CD1B: variants seen among roughly 807,000 people sequenced by gnomAD.
CD1B encodes the protein T-cell surface glycoprotein CD1b.
Under a neutral mutation model 39.8 loss-of-function variants are expected in CD1B, and 43 were observed. The observed-to-expected ratio is 1.08, with a 90% CI of 0.85 to 1.39. CD1B has a LOEUF of 1.39. CD1B is among the 40% of genes most tolerant of loss of function. The pLI, the probability that CD1B is intolerant of heterozygous loss-of-function variation, is 0.00. For missense variants in CD1B, 495 were observed against 403.8 expected (o/e 1.23, Z -1.94); for synonymous variants, 192 against 152.5 (o/e 1.26, Z -1.91).
At chr1:158,324,781 A>G (rs1400473269), downstream of CD1B, among the ~76,000 whole-genome samples, 1 of 152,142 alleles carries the variant, frequency 6.6e-6, no homozygotes, top group Non-Finnish European at 1.5e-5. Flanking sequence ...AGTGTAGGGC[A>G]AGAAGTTTCG....
intron 5 of CD1B, among the ~76,000 whole-genome samples, 178 bp downstream of exon 5, chr1:158,328,741 TTA>T (rs1652459523): frequency 2.0e-5 from 3 of 152,156 alleles, no homozygotes; most frequent in Non-Finnish European, 4.4e-5. Flanking sequence ...AAACCTTATG[TTA>T]TGTGTATTTT....
the CD1B span, among the ~76,000 whole-genome samples, chr1:158,321,799 A>T: frequency 1.3e-5 from 2 of 152,142 alleles, no homozygotes; most frequent in African/African-American, 4.8e-5. Flanking sequence ...CATGTGCAGG[A>T]TGTATAGGCT....
the CD1B span, among the ~76,000 whole-genome samples, chr1:158,314,551 C>G: frequency 6.6e-6 from 1 of 152,118 alleles, no homozygotes; most frequent in African/African-American, 2.4e-5. Flanking sequence ...ATGAGGTTAT[C>G]TGAAATCTTT....
downstream of CD1B, among the ~76,000 whole-genome samples, chr1:158,324,515 T>C (rs1449199820): frequency 1.3e-5 from 2 of 152,242 alleles, no homozygotes; most frequent in African/African-American, 2.4e-5. Flanking sequence ...TTACATTGAT[T>C]CATCGGAAAC....
At chr1:158,305,940 A>G in the CD1B span, among the ~76,000 whole-genome samples, 2 of 152,238 alleles carry the variant, frequency 1.3e-5, no homozygotes, top group Non-Finnish European at 2.9e-5. Flanking sequence ...AGCACTAAAC[A>G]TGAAAAGGAA....
At chr1:158,322,707 G>A in the CD1B span, among the ~76,000 whole-genome samples, 1 of 151,820 alleles carries the variant, frequency 6.6e-6, no homozygotes, top group Non-Finnish European at 1.5e-5. Flanking sequence ...CATTTACTTG[G>A]CTTTTGTTTG....
chr1:158,293,216 C>T, the CD1B span: 8 of 1,612,406 alleles, frequency 5.0e-6, no homozygotes, highest in African/African-American at 1.1e-4. Context: ...GTGCAGGACA[C>T]CACTTTTCCA....
chr1:158,308,877 C>A, the CD1B span, among the ~76,000 whole-genome samples: 2 of 152,100 alleles, frequency 1.3e-5, no homozygotes, highest in Non-Finnish European at 2.9e-5. Flanking sequence ...CCGTAAAAAC[C>A]CTAGAAGAAA....
chr1:158,326,063 G>C (rs1399263585), downstream of CD1B, among the ~76,000 whole-genome samples: 2 of 152,098 alleles, frequency 1.3e-5, no homozygotes, highest in African/African-American at 4.8e-5. Context: ...TCCGCCTCCC[G>C]GGTTCATGCC....
intron 1 of CD1B, 33 bp downstream of exon 1, chr1:158,331,330 A>G: frequency 1.9e-6 from 3 of 1,597,172 alleles, no homozygotes; most frequent in Non-Finnish European, 2.6e-6. Context: ...AAACCCCTGC[A>G]CCAGTGCTGG....
chr1:158,300,274 T>C, the CD1B span, among the ~76,000 whole-genome samples: 6 of 152,140 alleles, frequency 3.9e-5, no homozygotes, highest in Non-Finnish European at 5.9e-5. Context: ...ACAGTTTCCA[T>C]GTAGTTGTGT....
downstream of CD1B, among the ~76,000 whole-genome samples, chr1:158,326,460 T>A (rs1291492291): frequency 6.6e-6 from 1 of 152,174 alleles, no homozygotes; most frequent in Non-Finnish European, 1.5e-5. Flanking sequence ...TTATGAAACA[T>A]CAACTAATTT....
At position 158,328,268 on chromosome 1, in the gene CD1B, CAGA is replaced by C. The variant is rs1557820495; in HGVS notation, c.981-14_981-12del. 5.0e-6 allele frequency: 8 copies of C among 1,608,464 alleles called. No individual in the cohort carries two copies. The highest frequency in any genetic ancestry group is 6.8e-6 in the Non-Finnish European group (8 of 1,175,462). Reference sequence around the variant, plus strand: ...ATATTCTGATATGACCTGTTAAAAACAGAAGAACAAAAGAGCTCCACATAAAAG... The same window carrying C: ...ATATTCTGATATGACCTGTTAAAAACAGAACAAAAGAGCTCCACATAAAAG... On this transcript the variant is annotated splice_polypyrimidine_tract_variant and intron_variant, in intron 5 of 5. Coordinates refer to ENST00000368168, the MANE Select transcript of CD1B (RefSeq NM_001764.3).
the CD1B span, among the ~76,000 whole-genome samples, chr1:158,308,172 G>A: frequency 6.6e-6 from 1 of 152,246 alleles, no homozygotes; most frequent in Admixed American, 6.5e-5. Context: ...AAAATCACAA[G>A]CATTCTTACA....
chr1:158,308,695 A>G, the CD1B span, among the ~76,000 whole-genome samples: 1 of 152,218 alleles, frequency 6.6e-6, no homozygotes, highest in Non-Finnish European at 1.5e-5. Context: ...TAACCATCTG[A>G]TCTTTGACAA....
At chr1:158,308,918 T>C in the CD1B span, among the ~76,000 whole-genome samples, 2 of 152,144 alleles carry the variant, frequency 1.3e-5, no homozygotes, top group Non-Finnish European at 2.9e-5. Context: ...GACATAGGCA[T>C]GGGCAAGGAC....
At chr1:158,330,386 A>C (rs1402187587) in intron 2 of CD1B, among the ~76,000 whole-genome samples, 1 of 152,158 alleles carries the variant, frequency 6.6e-6, no homozygotes, top group East Asian at 1.9e-4. Context: ...AGCGTGGTGC[A>C]GTCAGGAGTG....
At chr1:158,328,308 C>T (rs1011023056) in intron 5 of CD1B, 51 bp from the exon 6 acceptor site, 1 of 1,437,732 alleles carries the variant, frequency 7.0e-7, no homozygotes, top group Non-Finnish European at 9.8e-7. Context: ...TGTTTGTACA[C>T]CCATGCTCAT....
the CD1B span, among the ~76,000 whole-genome samples, chr1:158,294,380 CA>C: frequency 6.6e-6 from 1 of 152,216 alleles, no homozygotes; most frequent in Non-Finnish European, 1.5e-5. Context: ...CAGGCACATA[CA>C]GCTTCTAAAC....
Sources: allele counts gnomAD v4.1 joint callset (sites outside exome capture counted in the v4.1 genomes callset), GRCh38; gene constraint gnomAD v4.1.1; transcripts MANE v1.5; gene names NCBI Gene and HGNC (gene_info 2026-07-23, HGNC 2026-07-21).